Variants in LRRTM4 observed in about 807,000 individuals in gnomAD.
LRRTM4 encodes the protein leucine-rich repeat transmembrane neuronal protein 4.
LRRTM4 carries 25 observed loss-of-function variants against 47.6 expected under a neutral mutation model. The ratio of observed to expected loss-of-function variants is 0.53; its 90% CI spans 0.38 to 0.73. The LOEUF (loss-of-function observed/expected upper bound fraction) is 0.73, where lower values mean the gene tolerates loss of function less well. LRRTM4 is among the 30% of genes least tolerant of loss of function. The pLI is 0.00. For synonymous variants in LRRTM4, 311 were observed against 269.5 expected (o/e 1.15, Z -1.51); for missense variants, 638 against 713.4 (o/e 0.89, Z 1.20).
At chr2:76,969,309 A>AT (rs901893030) in intron 3 of LRRTM4, among the ~76,000 whole-genome samples, 2 of 151,840 alleles carry the variant, frequency 1.3e-5, no homozygotes, top group East Asian at 2.0e-4. Context: ...TATCTATCTC[A>AT]TTTTTTATTT....
chr2:77,136,674 C>A (rs997976071), intron 3 of LRRTM4, among the ~76,000 whole-genome samples: 1 of 152,118 alleles, frequency 6.6e-6, no homozygotes. Context: ...GATCAAATTT[C>A]TCCGAGCTAA....
chr2:76,765,635 C>G (rs558457737), intron 3 of LRRTM4, among the ~76,000 whole-genome samples: 1 of 152,304 alleles, frequency 6.6e-6, no homozygotes, highest in South Asian at 2.1e-4. Context: ...TGTGAGCACA[C>G]TTGAGATCAC....
intron 3 of LRRTM4, among the ~76,000 whole-genome samples, chr2:77,222,512 T>C (rs1163488261): frequency 6.6e-6 from 1 of 152,120 alleles, no homozygotes; most frequent in Non-Finnish European, 1.5e-5. Context: ...CAATAAAATA[T>C]GACAAAGAGG....
chr2:76,770,088 A>G (rs749316018), intron 3 of LRRTM4, among the ~76,000 whole-genome samples: 10 of 152,210 alleles, frequency 6.6e-5, no homozygotes, highest in Non-Finnish European at 1.5e-4. Context: ...GATGTAGTCA[A>G]TCAGTCTGAA....
At chr2:77,215,695 G>A (rs183877288) in intron 3 of LRRTM4, among the ~76,000 whole-genome samples, 16 of 152,154 alleles carry the variant, frequency 1.1e-4, no homozygotes, top group African/African-American at 3.1e-4. Flanking sequence ...TAGTAGGGAC[G>A]TGCTTCAGAA....
At chr2:77,199,641 A>G (rs916236648) in intron 3 of LRRTM4, among the ~76,000 whole-genome samples, 2 of 152,192 alleles carry the variant, frequency 1.3e-5, no homozygotes, top group Non-Finnish European at 2.9e-5. Context: ...ATTTAGTTAC[A>G]AGAATCTTCA....
chr2:76,801,217 A>G (rs973229003), intron 3 of LRRTM4, among the ~76,000 whole-genome samples: 4 of 152,134 alleles, frequency 2.6e-5, no homozygotes, highest in African/African-American at 9.7e-5. Flanking sequence ...ATGCACACAT[A>G]TGTTTATTGC....
At chr2:77,210,451 TA>T (rs1674259217) in intron 3 of LRRTM4, among the ~76,000 whole-genome samples, 1 of 152,194 alleles carries the variant, frequency 6.6e-6, no homozygotes, top group Admixed American at 6.6e-5. Context: ...GTTTAGGAAG[TA>T]AAAACAAAAA....
chr2:77,216,929 C>A lies in LRRTM4; in HGVS notation c.1551+301389G>T, dbSNP rs575125672. On this transcript the variant is annotated intron_variant, in intron 3 of 3. Coordinates refer to ENST00000409884, the MANE Select transcript of LRRTM4 (RefSeq NM_001134745.3). ...CTTACTAAAAATACAAAAAATTAGC[C>A]GGGCGTGGTGGAGGGCACCTGTAGT... Among the ~76,000 whole-genome samples the A allele has an allele frequency of 1.1e-3, 162 of 151,970 alleles. 1 individual carries two copies. The highest frequency in any genetic ancestry group is 3.7e-3 in the African/African-American group (154 of 41,442).
intron 3 of LRRTM4, among the ~76,000 whole-genome samples, chr2:76,780,167 C>A (rs186852507): frequency 6.6e-6 from 1 of 152,056 alleles, no homozygotes; most frequent in African/African-American, 2.4e-5. Flanking sequence ...GAGGGTAACC[C>A]GACCTTTCTC....
chr2:77,055,737 A>G (rs1316904305), intron 3 of LRRTM4, among the ~76,000 whole-genome samples: 9 of 151,974 alleles, frequency 5.9e-5, no homozygotes, highest in Non-Finnish European at 1.2e-4. Flanking sequence ...AGACACATGC[A>G]CACGTATGTT....
intron 3 of LRRTM4, among the ~76,000 whole-genome samples, chr2:77,086,292 C>T (rs1680710017): frequency 6.6e-6 from 1 of 152,118 alleles, no homozygotes; most frequent in South Asian, 2.1e-4. Context: ...TCTAACATCA[C>T]TGACGTAATA....
intron 3 of LRRTM4, among the ~76,000 whole-genome samples, chr2:77,344,243 C>T (rs573354348): frequency 6.6e-6 from 1 of 151,636 alleles, no homozygotes; most frequent in Non-Finnish European, 1.5e-5. Context: ...TTAGCATATA[C>T]CAATTAATTC....
intron 3 of LRRTM4, among the ~76,000 whole-genome samples, chr2:77,512,580 T>C (rs1679062308): frequency 1.3e-5 from 2 of 152,154 alleles, no homozygotes; most frequent in Non-Finnish European, 2.9e-5. Flanking sequence ...CTGCTTCACT[T>C]TGATTTAGTG....
chr2:76,987,553 T>C (rs1030257025), intron 3 of LRRTM4: 2 of 151,958 alleles, frequency 1.3e-5, no homozygotes, highest in Admixed American at 6.6e-5. Flanking sequence ...TGTGTGTATG[T>C]TGCTTACAAT....
intron 3 of LRRTM4, among the ~76,000 whole-genome samples, chr2:76,869,615 A>T (rs1672566867): frequency 6.6e-6 from 1 of 152,198 alleles, no homozygotes; most frequent in Admixed American, 6.5e-5. Flanking sequence ...CCAACTCCAG[A>T]TATCTACTTA....
intron 3 of LRRTM4, among the ~76,000 whole-genome samples, chr2:76,934,106 A>T (rs775091769): frequency 1.3e-5 from 2 of 152,176 alleles, no homozygotes; most frequent in Non-Finnish European, 2.9e-5. Flanking sequence ...AATGGAAATA[A>T]AGAACCTTAC....
chr2:77,246,802 A>G (rs966495599), intron 3 of LRRTM4, among the ~76,000 whole-genome samples: 1 of 152,054 alleles, frequency 6.6e-6, no homozygotes, highest in Non-Finnish European at 1.5e-5. Flanking sequence ...ATATATGCCT[A>G]TATACATATA....
chr2:76,996,342 TTC>T (rs150134678), intron 3 of LRRTM4, among the ~76,000 whole-genome samples: 2,510 of 152,196 alleles, frequency 0.016, 57 homozygotes, highest in East Asian at 0.08. Flanking sequence ...TCATGAGAGA[TTC>T]TGTGTCCTAC....
Sources: gnomAD v4.1 joint callset for allele counts (sites outside exome capture counted in the v4.1 genomes callset) on GRCh38, gnomAD v4.1.1 for gene constraint, MANE v1.5 for transcripts, NCBI Gene and HGNC (gene_info 2026-07-23, HGNC 2026-07-21) for gene names.